The following UTRN variants were observed in gnomAD, a reference collection of about 807,000 sequenced individuals.
The protein encoded by UTRN is dystrophin-related protein 1.
A neutral mutation model predicts 463.9 loss-of-function variants in UTRN; 283 were observed. That is an observed-to-expected ratio of 0.61 (90% CI 0.55 to 0.67). UTRN has a LOEUF of 0.67. Among genes scored for constraint, UTRN ranks in the 30% least tolerant of loss-of-function variants. The pLI, the probability that UTRN is intolerant of heterozygous loss-of-function variation, is 0.00. For missense variants in UTRN, 3,922 were observed against 4,084.3 expected, an observed-to-expected ratio of 0.96 and a Z score of 1.08; for synonymous variants, 1,442 against 1,431.5, an observed-to-expected ratio of 1.01 and a Z score of -0.17.
chr6:144,733,689 G>T (rs953080217), intron 54 of UTRN, among the ~76,000 whole-genome samples: 3 of 151,996 alleles, frequency 2.0e-5, no homozygotes, highest in African/African-American at 7.3e-5. Context: ...TCTTTCAAAA[G>T]AACATTTTAA....
chr6:144,336,253 T>G (rs1776710158), intron 2 of UTRN, among the ~76,000 whole-genome samples: 1 of 151,722 alleles, frequency 6.6e-6, no homozygotes, highest in Admixed American at 6.6e-5. Flanking sequence ...CCTGATATGG[T>G]GGGAACTTCA....
intron 53 of UTRN, among the ~76,000 whole-genome samples, chr6:144,721,817 A>G (rs1019325470): frequency 3.9e-5 from 6 of 152,242 alleles, no homozygotes; most frequent in Non-Finnish European, 8.8e-5. Flanking sequence ...GCCTGAAGGT[A>G]ATTTTATACA....
chr6:144,772,655 C>T (rs1794203610), intron 59 of UTRN, among the ~76,000 whole-genome samples: 1 of 152,130 alleles, frequency 6.6e-6, no homozygotes, highest in Non-Finnish European at 1.5e-5. Context: ...TTTTGGCTCA[C>T]TTTTTATTTA....
rs904352137 is a variant in UTRN at position 144,598,077 on chromosome 6, C to T, written c.7479+20789C>T. Among the ~76,000 whole-genome samples, 5 of 152,072 alleles carry T rather than the reference C, an allele frequency of 3.3e-5. 1 individual carries two copies. The East Asian group carries it at 9.6e-4, about 29-fold the overall frequency. Reference sequence around the variant, plus strand: ...TGGCTTCCAAGGATGAATCTGTGAACGAAAAGAGTCAAACTCTGTAATATT... The same window carrying T: ...TGGCTTCCAAGGATGAATCTGTGAATGAAAAGAGTCAAACTCTGTAATATT... On this transcript the variant is annotated intron_variant, in intron 51 of 74. Transcript: ENST00000367545.
At chr6:144,689,238 G>A (rs984695382) in intron 52 of UTRN, among the ~76,000 whole-genome samples, 7 of 152,126 alleles carry the variant, frequency 4.6e-5, no homozygotes, top group Non-Finnish European at 8.8e-5. Flanking sequence ...GTGCACCCAC[G>A]CCAAGCTCCT....
chr6:144,309,297 C>G (rs1806034591), intron 2 of UTRN, among the ~76,000 whole-genome samples: 1 of 152,210 alleles, frequency 6.6e-6, no homozygotes, highest in Non-Finnish European at 1.5e-5. Flanking sequence ...AATGCTGGCT[C>G]AAATTTCTAT....
intron 48 of UTRN, among the ~76,000 whole-genome samples, chr6:144,553,896 A>G (rs186158492): frequency 6.7e-6 from 1 of 149,062 alleles, no homozygotes; most frequent in East Asian, 2.1e-4. Context: ...AGCCTGGGCG[A>G]CAGAGCAAGA....
At chr6:144,763,220 A>T (rs373906576) in intron 58 of UTRN, among the ~76,000 whole-genome samples, 3 of 152,238 alleles carry the variant, frequency 2.0e-5, no homozygotes, top group African/African-American at 7.2e-5. Context: ...ACCAGCATAA[A>T]CTTGTCTATA....
At chr6:144,310,042 A>G (rs1045808704) in intron 2 of UTRN, among the ~76,000 whole-genome samples, 2 of 152,182 alleles carry the variant, frequency 1.3e-5, no homozygotes, top group Non-Finnish European at 2.9e-5. Flanking sequence ...TTTTTCCCAT[A>G]GCACTTACTG....
chr6:144,841,608 T>C lies in UTRN; in HGVS notation c.10270+776T>C, dbSNP rs117921865. ...AACTGTATATATGTATACATATATATACACACACACATACAAATATATAAA... is the reference window on the plus strand; with the variant it reads ...AACTGTATATATGTATACATATATACACACACACACATACAAATATATAAA... On this transcript the variant is annotated intron_variant, in intron 73 of 74. Transcript: ENST00000367545. 3.5e-3 allele frequency among the ~76,000 whole-genome samples: 540 copies of C among 152,162 alleles called. 9 individuals are homozygous for C. In the East Asian group the frequency reaches 0.046, roughly 13 times the overall value.
chr6:144,699,597 T>C (rs1345153957), intron 52 of UTRN, among the ~76,000 whole-genome samples: 2 of 148,618 alleles, frequency 1.3e-5, no homozygotes, highest in African/African-American at 2.5e-5. Flanking sequence ...TATTTTCCTC[T>C]CTCTCTCTCC....
chr6:144,574,440 T>C (rs906307310), intron 50 of UTRN, among the ~76,000 whole-genome samples: 2 of 152,344 alleles, frequency 1.3e-5, no homozygotes, highest in East Asian at 1.9e-4. Flanking sequence ...TAGTATTCCA[T>C]TGTATCCCTG....
At chr6:144,409,213 A>T (rs1026599819) in intron 3 of UTRN, among the ~76,000 whole-genome samples, 3 of 152,202 alleles carry the variant, frequency 2.0e-5, no homozygotes, top group Non-Finnish European at 2.9e-5. Context: ...TTGAATTTTT[A>T]AAATTTGATT....
chr6:144,599,812 T>G (rs1804051237), intron 51 of UTRN, among the ~76,000 whole-genome samples: 1 of 152,186 alleles, frequency 6.6e-6, no homozygotes, highest in South Asian at 2.1e-4. Context: ...ACCCCCATCT[T>G]ATCACACATA....
chr6:144,659,514 G>A (rs2128671244), intron 51 of UTRN, among the ~76,000 whole-genome samples: 1 of 152,294 alleles, frequency 6.6e-6, no homozygotes, highest in East Asian at 1.9e-4. Flanking sequence ...TGCATTGACA[G>A]CATCCCTTAG....
chr6:144,490,338 G>A (rs1792937003), intron 31 of UTRN, 139 bp downstream of exon 31: 3 of 1,258,534 alleles, frequency 2.4e-6, no homozygotes. Flanking sequence ...ATGTGTTGAA[G>A]GTTGCATCCT....
rs556811750 is a variant in UTRN at position 144,435,721 on chromosome 6, C to T, written c.856-214C>T. Among the ~76,000 whole-genome samples the T allele has an allele frequency of 8.5e-5, 13 of 152,312 alleles. No individual in the cohort carries two copies. In the South Asian group the frequency reaches 2.7e-3, roughly 32 times the overall value. ...TTAGAATCTCCTTGAGTACAGAATTCATGAGTGCATGCTGCTTTTATACTC... is the reference window on the plus strand; with the variant it reads ...TTAGAATCTCCTTGAGTACAGAATTTATGAGTGCATGCTGCTTTTATACTC... On this transcript the variant is annotated intron_variant, in intron 9 of 74. Coordinates refer to ENST00000367545, the MANE Select transcript of UTRN (RefSeq NM_007124.3).
intron 2 of UTRN, among the ~76,000 whole-genome samples, chr6:144,313,996 T>A (rs918038350): frequency 6.6e-6 from 1 of 152,190 alleles, no homozygotes; most frequent in African/African-American, 2.4e-5. Context: ...GAGTAGAATA[T>A]TTGTAATGAA....
intron 52 of UTRN, among the ~76,000 whole-genome samples, chr6:144,678,976 G>A (rs1277371694): frequency 6.6e-6 from 1 of 152,206 alleles, no homozygotes; most frequent in South Asian, 2.1e-4. Flanking sequence ...GGAAACAGAG[G>A]TTTAATGAAT....
Sources: gnomAD v4.1 joint callset for allele counts (sites outside exome capture counted in the v4.1 genomes callset) on GRCh38, gnomAD v4.1.1 for gene constraint, MANE v1.5 for transcripts, NCBI Gene and HGNC (gene_info 2026-07-23, HGNC 2026-07-21) for gene names.